CADPS: variants seen among roughly 807,000 people sequenced by gnomAD.
CADPS encodes calcium dependent secretion activator, also known as calcium-dependent secretion activator 1.
Under a neutral mutation model 167.3 loss-of-function variants are expected in CADPS, and 57 were observed. The ratio of observed to expected loss-of-function variants is 0.34; its 90% CI spans 0.28 to 0.42. The LOEUF (loss-of-function observed/expected upper bound fraction) is 0.42, where lower values mean the gene tolerates loss of function less well. Ranked by LOEUF, CADPS falls within the 20% of genes least tolerant of loss-of-function variation. CADPS has a pLI of 1.00. For synonymous variants in CADPS, 676 were observed against 635.3 expected (o/e 1.06, Z -0.96); for missense variants, 1,414 against 1,738.1 (o/e 0.81, Z 3.32).
intron 3 of CADPS, among the ~76,000 whole-genome samples, chr3:62,717,598 T>C (rs775890330): frequency 3.3e-5 from 5 of 152,240 alleles, no homozygotes; most frequent in African/African-American, 9.6e-5. Context: ...AGCATTCTTA[T>C]TGGCCTTGTT....
At chr3:62,573,134 G>A (rs950529830) in intron 8 of CADPS, among the ~76,000 whole-genome samples, 2 of 152,026 alleles carry the variant, frequency 1.3e-5, no homozygotes, top group African/African-American at 4.8e-5. Context: ...TGGCTGCCTC[G>A]GCCTCCCAAA....
rs2083068575 is a variant in CADPS at position 62,753,136 on chromosome 3, G to T, written c.888+305C>A. On this transcript the variant is annotated intron_variant, in intron 3 of 29. Transcript: ENST00000383710. The surrounding 1 kb of genome is among the most constrained non-coding windows in gnomAD (Gnocchi z 4.6). ...ATATTTTTTAAAAAATTGATTTTTA[G>T]CACTTTTGACACGTGGAAAACAAGC... Among the ~76,000 whole-genome samples, 1 of 152,086 alleles carries T rather than the reference G, an allele frequency of 6.6e-6. No homozygotes were observed. The highest frequency in any genetic ancestry group is 1.5e-5 in the Non-Finnish European group (1 of 68,022).
chr3:62,788,005 T>A (rs971117301), intron 1 of CADPS, among the ~76,000 whole-genome samples: 1 of 152,164 alleles, frequency 6.6e-6, no homozygotes, highest in Non-Finnish European at 1.5e-5. Flanking sequence ...TAATCTTCAA[T>A]GTGTCTTTAA....
chr3:62,580,850 C>T (rs1483697738), intron 8 of CADPS, among the ~76,000 whole-genome samples: 1 of 152,200 alleles, frequency 6.6e-6, no homozygotes, highest in Admixed American at 6.5e-5. Flanking sequence ...TTCAATGGAT[C>T]TCTGACCTAA....
At chr3:62,570,604 T>G (rs1247163186) in intron 9 of CADPS, among the ~76,000 whole-genome samples, 1 of 152,222 alleles carries the variant, frequency 6.6e-6, no homozygotes, top group Non-Finnish European at 1.5e-5. Flanking sequence ...ACTACTGTAT[T>G]GTTCGAATTA....
At chr3:62,840,634 G>C (rs2076524373) in intron 1 of CADPS, among the ~76,000 whole-genome samples, 1 of 152,104 alleles carries the variant, frequency 6.6e-6, no homozygotes, top group African/African-American at 2.4e-5. Flanking sequence ...CATATGTACA[G>C]ATGGGAAATA....
Position 62,548,063 on chromosome 3 carries a change from T to C in CADPS, c.1966+1840A>G, listed in dbSNP as rs1406814060. On this transcript the variant is annotated intron_variant, in intron 11 of 29. Transcript: ENST00000383710. ...TTTTCCAAATATCACCTGAGATACATGCTTTATGAGGTTGATTTGAATGGT... is the reference window on the plus strand; with the variant it reads ...TTTTCCAAATATCACCTGAGATACACGCTTTATGAGGTTGATTTGAATGGT... 3.3e-5 allele frequency among the ~76,000 whole-genome samples: 5 copies of C among 152,264 alleles called. No individual in the cohort carries two copies. The East Asian group carries it at 7.8e-4, about 24-fold the overall frequency.
At chr3:62,488,986 T>A (rs2063263418) in intron 21 of CADPS, among the ~76,000 whole-genome samples, 1 of 152,348 alleles carries the variant, frequency 6.6e-6, no homozygotes, top group Admixed American at 6.5e-5. Context: ...TTTGCAGACC[T>A]TTAAATTGCC....
rs890701280 is a variant in CADPS at position 62,532,714 on chromosome 3, CCTTTGTGT to C, written c.2291+149_2291+156del. 1.3e-4 allele frequency among the ~76,000 whole-genome samples: 10 copies of C among 79,332 alleles called. 1 individual carries two copies. Among genetic ancestry groups the C allele is most frequent in the South Asian group, 1.1e-3 (2 of 1,750 alleles). 52.0% of individuals were successfully genotyped at this position (79,332 alleles called of 152,430 possible). On this transcript the variant is annotated intron_variant, in intron 13 of 29. Coordinates refer to ENST00000383710, the MANE Select transcript of CADPS (RefSeq NM_003716.4). The stretch of plus-strand genomic sequence containing the variant: ...CTTGAAAGGAGAAGAAAGTTAGTGC[CCTTTGTGT>C]GTGTGTGTGTGTGTGTGTGTGTGTG...
chr3:62,667,973 A>C (rs966408563), intron 3 of CADPS, among the ~76,000 whole-genome samples: 1 of 152,146 alleles, frequency 6.6e-6, no homozygotes, highest in African/African-American at 2.4e-5. Flanking sequence ...TGGCCTTGAC[A>C]GTGCGCCTGG....
chr3:62,622,376 A>G (rs1343707036), intron 6 of CADPS, among the ~76,000 whole-genome samples: 1 of 152,104 alleles, frequency 6.6e-6, no homozygotes, highest in Non-Finnish European at 1.5e-5. Context: ...CTTGTTTCCC[A>G]GGCCTTTTAG....
chr3:62,505,721 G>A (rs996564341), intron 17 of CADPS, among the ~76,000 whole-genome samples: 14 of 152,176 alleles, frequency 9.2e-5, no homozygotes, highest in African/African-American at 3.1e-4. Flanking sequence ...TCATAGCAAA[G>A]CTTCAGCTCC....
chr3:62,449,798 A>AGTGTGTGTGT (rs71786216), intron 26 of CADPS, among the ~76,000 whole-genome samples: 77 of 150,524 alleles, frequency 5.1e-4, no homozygotes, highest in Middle Eastern at 3.4e-3. Context: ...TTGTTAAAAG[A>AGTGTGTGTGT]GTGTGTGTGT....
intron 17 of CADPS, chr3:62,500,489 C>T (rs940610389): frequency 6.6e-6 from 1 of 152,176 alleles, no homozygotes; most frequent in Non-Finnish European, 1.5e-5. Context: ...AGTGAAACTG[C>T]TTGGATTCAA....
chr3:62,412,151 T>TTG lies in CADPS; in HGVS notation c.3778-8967_3778-8966insCA, dbSNP rs1355504618. On this transcript the variant is annotated intron_variant, in intron 28 of 29. Coordinates refer to ENST00000383710, the MANE Select transcript of CADPS (RefSeq NM_003716.4). This position sits in a 1 kb window ranked among gnomAD's most constrained non-coding sequence, Gnocchi z 4.1. ...CATTTTTAGTTGAGGGTAGGATTTT[T>TTG]TTTTTTTTTTTTTAACGTCCGTAAT... Among the ~76,000 whole-genome samples the TTG allele has an allele frequency of 2.0e-5, 3 of 151,354 alleles. No individual in the cohort carries two copies. Among genetic ancestry groups the TTG allele is most frequent in the Non-Finnish European group, 4.4e-5 (3 of 67,790 alleles).
intron 6 of CADPS, among the ~76,000 whole-genome samples, chr3:62,636,002 C>T (rs780979978): frequency 2.6e-5 from 4 of 152,266 alleles, no homozygotes; most frequent in Non-Finnish European, 5.9e-5. Context: ...AGAGATAAAG[C>T]GTCTTTAGCT....
chr3:62,449,263 T>C (rs2057695059), intron 26 of CADPS, among the ~76,000 whole-genome samples: 1 of 152,186 alleles, frequency 6.6e-6, no homozygotes, highest in Admixed American at 6.5e-5. Context: ...GCTCTGGACG[T>C]GTTTTTCTTT....
chr3:62,757,010 T>G (rs756232669), intron 2 of CADPS, among the ~76,000 whole-genome samples: 36 of 152,138 alleles, frequency 2.4e-4, no homozygotes, highest in Admixed American at 7.9e-4. Flanking sequence ...CCAGTTCACA[T>G]TCTTTGGCTT....
intron 1 of CADPS, among the ~76,000 whole-genome samples, chr3:62,824,313 TA>T (rs1444016346): frequency 6.6e-6 from 1 of 152,142 alleles, no homozygotes; most frequent in African/African-American, 2.4e-5. Flanking sequence ...TATCATCAGC[TA>T]AAAAATGGAG....
Sources: gnomAD v4.1 joint callset for allele counts (sites outside exome capture counted in the v4.1 genomes callset) on GRCh38, gnomAD v4.1.1 for gene constraint, Gnocchi (gnomAD v3.1) non-coding constraint, MANE v1.5 for transcripts, NCBI Gene and HGNC (gene_info 2026-07-23, HGNC 2026-07-21) for gene names.